Variants in NBEAL2 observed in about 807,000 individuals in gnomAD.
The protein encoded by NBEAL2 is neurobeachin like 2.
Under a neutral mutation model 299.8 loss-of-function variants are expected in NBEAL2, and 160 were observed. The observed-to-expected ratio is 0.53, with a 90% CI of 0.47 to 0.61. NBEAL2 has a LOEUF of 0.61. Among genes scored for constraint, NBEAL2 ranks in the 20% least tolerant of loss-of-function variants. NBEAL2 has a pLI of 0.00. For synonymous variants in NBEAL2, 1,493 were observed against 1,542.3 expected, an observed-to-expected ratio of 0.97 and a Z score of 0.75; for missense variants, 3,112 against 3,649.0, an observed-to-expected ratio of 0.85 and a Z score of 3.79.
In NBEAL2 at chr3:47,007,200, GCCTCTGCCAGAAACCCACCTCTGCCC is replaced by G. The variant is rs1200232780; in HGVS notation, c.7225-36_7225-11del. ...CCCCAGCTCAGCTCCACTCCCCCTTGCCTCTGCCAGAAACCCACCTCTGCCCCCTCCTGCCTGCAGGTGACTGTGAG... is the reference window on the plus strand; with the variant it reads ...CCCCAGCTCAGCTCCACTCCCCCTTGCCTCCTGCCTGCAGGTGACTGTGAG... On this transcript the variant is annotated splice_polypyrimidine_tract_variant and intron_variant, in intron 46 of 53. Coordinates refer to ENST00000450053, the MANE Select transcript of NBEAL2 (RefSeq NM_015175.3). 6.2e-7 allele frequency: 1 copy of G among 1,609,670 alleles called. No individual in the cohort carries two copies. Among genetic ancestry groups the G allele is most frequent in the Non-Finnish European group, 8.5e-7 (1 of 1,177,746 alleles).
chr3:46,998,407 A>G, intron 21 of NBEAL2, 56 bp from the exon 22 acceptor site: 1 of 1,558,010 alleles, frequency 6.4e-7, no homozygotes, highest in Non-Finnish European at 8.7e-7. Flanking sequence ...GGCCTGGAGG[A>G]TCTGAAGGGC....
intron 1 of NBEAL2, among the ~76,000 whole-genome samples, chr3:46,980,523 G>T (rs1413293108): frequency 6.6e-6 from 1 of 152,104 alleles, no homozygotes; most frequent in East Asian, 1.9e-4. Flanking sequence ...CATTCTGAGG[G>T]GTAGACCCAG....
Position 47,007,076 on chromosome 3 carries a change from A to G in NBEAL2, c.7145A>G (p.Asp2382Gly). ...CCCTTGCCCCTGCAGGTTGTCAGTG[A>G]TGGTGTACCCCTGGTGCTAGCCCTG... ...LKAFFAEVVS[D>G]GVPLVLALVP... Residue 2382 changes from aspartate to glycine, a missense_variant, in exon 46 of 54, where the codon GAT becomes GGT. Asp to Gly is a moderately conservative substitution (Grantham distance 94). This residue lies in a region of NBEAL2 where 521 missense variants were observed against 729.6 expected (regional missense o/e 0.71). Transcript: ENST00000450053. 1 of 1,611,486 alleles carries G rather than the reference A, an allele frequency of 6.2e-7. No homozygotes were observed. Among genetic ancestry groups the G allele is most frequent in the Non-Finnish European group, 8.5e-7 (1 of 1,178,610 alleles).
rs1467604524 is a variant in NBEAL2, at chr3:47,001,075, C to A, written c.4380C>A (p.Gly1460=). The part of the protein sequence containing the change: ...LFSVTWRGVE[G]SDEAAWRERG... ...CGGTGACGTGGCGTGGCGTGGAAGG[C>A]AGCGATGAGGCTGCCTGGCGGGAGC... is the stretch of plus-strand genomic sequence containing the variant. The change falls in exon 28 of 54, where the codon GGC becomes GGA. Residue 1460 remains glycine (G), a synonymous_variant. Transcript: ENST00000450053. The surrounding 1 kb of genome is among the most constrained non-coding windows in gnomAD (Gnocchi z 6.1). The A allele has an allele frequency of 1.2e-6, 2 of 1,612,606 alleles. No individual in the cohort carries two copies. Among genetic ancestry groups the A allele is most frequent in the South Asian group, 1.1e-5 (1 of 90,812 alleles).
rs373760839 is a variant in NBEAL2 at position 46,995,127 on chromosome 3, C to T, written c.1392C>T (p.Thr464=). The change falls in exon 13 of 54, where the codon ACC becomes ACT. Residue 464 remains threonine, a synonymous_variant. Transcript: ENST00000450053. ...VLAQWLPSLP[T]AELRLFLAQR... The stretch of plus-strand genomic sequence containing the variant: ...CGCAGTGGCTGCCGTCATTGCCCAC[C>T]GCTGAGCTGCGGCTCTTCCTAGCGC... 9.9e-5 allele frequency: 156 copies of T among 1,574,742 alleles called. No individual in the cohort carries two copies. In the African/African-American group the frequency reaches 1.3e-3, roughly 13 times the overall value.
chr3:46,991,622 G>A lies in NBEAL2; in HGVS notation c.859G>A (p.Asp287Asn). 1 of 1,600,014 alleles carries A rather than the reference G, an allele frequency of 6.2e-7. No homozygotes were observed. Among genetic ancestry groups the A allele is most frequent in the Non-Finnish European group, 8.5e-7 (1 of 1,179,816 alleles). Reference sequence around the variant, plus strand: ...GAGCTACTTCCATGTCCTTAATGCTGACTGGCCAGCTGGTCTGAGCTCAGG... The same window carrying A: ...GAGCTACTTCCATGTCCTTAATGCTAACTGGCCAGCTGGTCTGAGCTCAGG... ...LESYFHVLNA[D>N]WPAGLSSGPE... The change falls in exon 8 of 54, where the codon GAC becomes AAC. Residue 287 changes from aspartate to asparagine, a missense_variant. Physicochemically the swap from Asp to Asn is conservative, Grantham distance 23. Transcript: ENST00000450053. This position sits in a 1 kb window ranked among gnomAD's most constrained non-coding sequence, Gnocchi z 6.2.
In NBEAL2 at chr3:46,994,507, G is replaced by T. The variant is rs371574474; in HGVS notation, c.1250G>T (p.Ser417Ile). The T allele has an allele frequency of 3.1e-6, 5 of 1,595,700 alleles. No individual in the cohort carries two copies. The highest frequency in any genetic ancestry group is 1.3e-5 in the African/African-American group (1 of 74,646). The change falls in exon 12 of 54, where the codon AGC (serine) becomes ATC (isoleucine). Residue 417 changes from serine (S) to isoleucine (I), a missense_variant. By Grantham distance (142) the Ser-to-Ile change is moderately radical. Around this residue, in one of 3 missense-constraint regions of NBEAL2, gnomAD observed 2,243 missense variants for 2,538.1 expected, o/e 0.88. Transcript: ENST00000450053. ...CCTCACCTGCAGGAGGTTCTGCAGA[G>T]CCATGGTCCCCCCACCCATCGGCTG... ...GYPHLQEVLQSHGPPTHRLLQ... is the reference protein window; with the variant it reads ...GYPHLQEVLQIHGPPTHRLLQ...
Position 46,991,904 on chromosome 3 carries a change from C to A in NBEAL2, c.990C>A (p.Asn330Lys), listed in dbSNP as rs765614350. The A allele has an allele frequency of 1.2e-6, 2 of 1,604,234 alleles. No individual in the cohort carries two copies. The highest frequency in any genetic ancestry group is 3.4e-5 in the Admixed American group (2 of 58,712). Residue 330 changes from asparagine to lysine, a missense_variant, in exon 9 of 54, where the codon AAC (asparagine) becomes AAA (lysine). Asn to Lys is a moderately conservative substitution (Grantham distance 94). Around this residue, in one of 3 missense-constraint regions of NBEAL2, gnomAD observed 2,243 missense variants for 2,538.1 expected, o/e 0.88. Coordinates refer to ENST00000450053, the MANE Select transcript of NBEAL2 (RefSeq NM_015175.3). The surrounding 1 kb of genome is among the most constrained non-coding windows in gnomAD (Gnocchi z 6.2). ...RPVLQATFLS[N>K]NCFEHLTRLI... ...TGCTGCAAGCCACCTTCCTCAGCAA[C>A]AATTGCTTTGAACACCTCACTCGGC...
rs1575616089 is a variant in NBEAL2, at chr3:47,002,375, A to G, written c.5156A>G (p.Gln1719Arg). Residue 1719 changes from glutamine to arginine, a missense_variant, in exon 32 of 54, where the codon CAG (glutamine) becomes CGG (arginine). Coordinates refer to ENST00000450053, the MANE Select transcript of NBEAL2 (RefSeq NM_015175.3). ...EWRHFIDKQV[Q>R]PTMSQFEMDT... ...CTCCTCTGCCCAATCCTCCAGGTAC[A>G]GCCAACCATGTCCCAGTTCGAAATG... 2 of 1,613,622 alleles carry G rather than the reference A, an allele frequency of 1.2e-6. No homozygotes were observed. The highest frequency in any genetic ancestry group is 1.1e-5 in the South Asian group (1 of 91,090).
rs2305633 is a variant in NBEAL2, at chr3:47,001,477, C to G, written c.4644+39C>G. The G allele has an allele frequency of 1.1e-5, 18 of 1,595,146 alleles. No homozygotes were observed. Among genetic ancestry groups the G allele is most frequent in the Non-Finnish European group, 1.5e-5 (18 of 1,172,042 alleles). Reference sequence around the variant, plus strand: ...GAGAGGCGTGAGCCACATGAACACTCATGTTCATGCAAGCCTGCAGGGATC... The same window carrying G: ...GAGAGGCGTGAGCCACATGAACACTGATGTTCATGCAAGCCTGCAGGGATC... On this transcript the variant is annotated intron_variant, in intron 29 of 53. Coordinates refer to ENST00000450053, the MANE Select transcript of NBEAL2 (RefSeq NM_015175.3). This position sits in a 1 kb window ranked among gnomAD's most constrained non-coding sequence, Gnocchi z 6.1.
chr3:46,995,609 C>T lies in NBEAL2; in HGVS notation c.1874C>T (p.Pro625Leu), dbSNP rs1303128638. The change falls in exon 13 of 54, where the codon CCA becomes CTA. Residue 625 changes from proline (P) to leucine (L), a missense_variant. This residue lies in a region of NBEAL2 where 2,243 missense variants were observed against 2,538.1 expected (regional missense o/e 0.88). Transcript: ENST00000450053. ...GCACCTACCCCTGCCCCCACCCGAC[C>T]ACTCCAGCGAAAGCAGCTGTACAGG... ...DTAPTPAPTR[P>L]LQRKQLYSFF... 2 of 1,611,660 alleles carry T rather than the reference C, an allele frequency of 1.2e-6. No individual in the cohort carries two copies. Among genetic ancestry groups the T allele is most frequent in the African/African-American group, 2.7e-5 (2 of 74,904 alleles).
In NBEAL2 at chr3:47,002,777, AGCC is replaced by A; in HGVS notation, c.5435_5437del (p.Ser1812_Pro1813delinsThr). 6.7e-7 allele frequency: 1 copy of A among 1,502,230 alleles called. No homozygotes were observed. Among genetic ancestry groups the A allele is most frequent in the Non-Finnish European group, 8.9e-7 (1 of 1,122,960 alleles). 93.1% of individuals were successfully genotyped at this position (1,502,230 alleles called of 1,614,324 possible). The stretch of plus-strand genomic sequence containing the variant: ...GGGGGCGCTGTGGCGCCAGCTCGCC[AGCC>A]CATGTGGGGCCTGGGCGCTGAGGTG... On this transcript the variant is annotated inframe_deletion, in exon 33 of 54. Coordinates refer to ENST00000450053, the MANE Select transcript of NBEAL2 (RefSeq NM_015175.3).
intron 20 of NBEAL2, 71 bp downstream of exon 20, chr3:46,997,765 G>C: frequency 1.4e-6 from 2 of 1,427,852 alleles, no homozygotes; most frequent in Non-Finnish European, 1.8e-6. Context: ...GACTGAGTGG[G>C]GAACCCTGTC....
At chr3:46,987,106 G>A (rs2035721040) in intron 1 of NBEAL2, among the ~76,000 whole-genome samples, 1 of 152,244 alleles carries the variant, frequency 6.6e-6, no homozygotes, top group Non-Finnish European at 1.5e-5. Context: ...CCAATCACAG[G>A]GTGGACGGCT....
Position 47,001,975 on chromosome 3 carries a change from C to T in NBEAL2, c.4838C>T (p.Ala1613Val), listed in dbSNP as rs1476319624. 6.2e-7 allele frequency: 1 copy of T among 1,608,616 alleles called. No homozygotes were observed. Among genetic ancestry groups the T allele is most frequent in the Non-Finnish European group, 8.5e-7 (1 of 1,177,476 alleles). Residue 1613 changes from alanine to valine, a missense_variant, in exon 31 of 54, where the codon GCC (alanine) becomes GTC (valine). Around this residue, in one of 3 missense-constraint regions of NBEAL2, gnomAD observed 2,243 missense variants for 2,538.1 expected, o/e 0.88. Coordinates refer to ENST00000450053, the MANE Select transcript of NBEAL2 (RefSeq NM_015175.3). This position sits in a 1 kb window ranked among gnomAD's most constrained non-coding sequence, Gnocchi z 6.1. ...ATGCTGCTACAGACTGCAGTGCCAGCCCGCCGCGAGGAGGCCTGCTATGTG... is the reference window on the plus strand; with the variant it reads ...ATGCTGCTACAGACTGCAGTGCCAGTCCGCCGCGAGGAGGCCTGCTATGTG... ...LHMLLQTAVPARREEACYVLS... is the reference protein window; with the variant it reads ...LHMLLQTAVPVRREEACYVLS...
rs1048808 is a variant in NBEAL2, at chr3:47,009,539, A to G, written c.*219A>G. The G allele has an allele frequency of 1.9e-5, 11 of 568,948 alleles. 1 individual carries two copies. In the South Asian group the frequency reaches 2.3e-4, roughly 12 times the overall value. The allele number at this position is 568,948 out of a possible 1,614,324, so 35.2% of individuals were successfully genotyped here. A position where few individuals can be genotyped will look rare whatever the true frequency, so the allele number is the denominator to read the frequency against. On this transcript the variant is annotated 3_prime_UTR_variant, in exon 54 of 54. Coordinates refer to ENST00000450053, the MANE Select transcript of NBEAL2 (RefSeq NM_015175.3). ...CTGAGGGGCCGCCCTGAGGGCCAGCACTGGCGTCTGCGGCCGCAGCAGCAC... is the reference window on the plus strand; with the variant it reads ...CTGAGGGGCCGCCCTGAGGGCCAGCGCTGGCGTCTGCGGCCGCAGCAGCAC...
Position 46,988,904 on chromosome 3 carries a change from A to C in NBEAL2, c.203A>C (p.Glu68Ala). 6.2e-7 allele frequency: 1 copy of C among 1,612,888 alleles called. No individual in the cohort carries two copies. Among genetic ancestry groups the C allele is most frequent in the Non-Finnish European group, 8.5e-7 (1 of 1,179,210 alleles). Residue 68 changes from glutamate (E) to alanine (A), a missense_variant, in exon 3 of 54, where the codon GAA (glutamate) becomes GCA (alanine). Physicochemically the swap from Glu to Ala is moderately radical, Grantham distance 107. Around this residue, in one of 3 missense-constraint regions of NBEAL2, gnomAD observed 2,243 missense variants for 2,538.1 expected, o/e 0.88. Transcript: ENST00000450053. The surrounding 1 kb of genome is among the most constrained non-coding windows in gnomAD (Gnocchi z 4.4). ...LPLDELHVLA[E>A]QLHQADLEQA... Reference sequence around the variant, plus strand: ...CTGGATGAGCTGCATGTGCTGGCCGAACAGCTGCACCAGGCTGACCTGGAG... The same window carrying C: ...CTGGATGAGCTGCATGTGCTGGCCGCACAGCTGCACCAGGCTGACCTGGAG...
rs933596510 is a variant in NBEAL2 at position 47,009,588 on chromosome 3, T to A, written c.*268T>A. On this transcript the variant is annotated 3_prime_UTR_variant, in exon 54 of 54. Transcript: ENST00000450053. ...ACTTTTTGCACAGTCTGGGGCGGGG[T>A]TCCCCGGCTTCCAAGTCGCTGTTTC... 1.7e-5 allele frequency: 8 copies of A among 466,388 alleles called. No individual in the cohort carries two copies. The highest frequency in any genetic ancestry group is 3.0e-5 in the Non-Finnish European group (8 of 263,446). The allele number at this position is 466,388 out of a possible 1,614,324, so 28.9% of individuals were successfully genotyped here.
In NBEAL2 at chr3:47,003,026, G is replaced by T. The variant is rs1403159400; in HGVS notation, c.5529G>T (p.Val1843=). Reference sequence around the variant, plus strand: ...ATTCACGCATGCGTCTGAAGCTGGTGCCCAACCATCACTTCGACCCTCACC... The same window carrying T: ...ATTCACGCATGCGTCTGAAGCTGGTTCCCAACCATCACTTCGACCCTCACC... ...ETYSRMRLKL[V]PNHHFDPHLE... is the part of the protein sequence containing the mutation. The change falls in exon 34 of 54, where the codon GTG becomes GTT. Residue 1843 remains valine (V), a synonymous_variant. Transcript: ENST00000450053. The surrounding 1 kb of genome is among the most constrained non-coding windows in gnomAD (Gnocchi z 7.0). 2 of 1,613,208 alleles carry T rather than the reference G, an allele frequency of 1.2e-6. No homozygotes were observed. The highest frequency in any genetic ancestry group is 1.7e-6 in the Non-Finnish European group (2 of 1,179,748).
Sources: allele counts gnomAD v4.1 joint callset (sites outside exome capture counted in the v4.1 genomes callset), GRCh38; gene constraint gnomAD v4.1.1; regional missense constraint gnomAD v4.1.1; non-coding constraint Gnocchi (gnomAD v3.1); transcripts MANE v1.5; gene names NCBI Gene and HGNC (gene_info 2026-07-23, HGNC 2026-07-21).